SGCZ: variants seen among roughly 807,000 people sequenced by gnomAD.
SGCZ encodes the protein sarcoglycan zeta.
A neutral mutation model predicts 41.3 loss-of-function variants in SGCZ; 40 were observed. The observed-to-expected ratio is 0.97, with a 90% confidence interval of 0.75 to 1.26. The LOEUF (loss-of-function observed/expected upper bound fraction) is 1.26, where lower values mean the gene tolerates loss of function less well. Among genes scored for constraint, SGCZ ranks in the 50% most tolerant of loss-of-function variants. The probability of loss-of-function intolerance (pLI) is 0.00; values close to 1 mark genes in which losing one functional copy is unlikely to be tolerated. For missense variants in SGCZ, 552 were observed against 369.8 expected, an observed-to-expected ratio of 1.49 and a Z score of -4.04; for synonymous variants, 206 against 137.5, an observed-to-expected ratio of 1.50 and a Z score of -3.49.
intron 2 of SGCZ, among the ~76,000 whole-genome samples, chr8:14,328,817 G>A (rs1251209828): frequency 1.3e-5 from 2 of 152,254 alleles, no homozygotes; most frequent in African/African-American, 4.8e-5. Flanking sequence ...GGCCAGGAGG[G>A]CTCCTCCCTT....
chr8:14,869,509 T>C (rs568349225), intron 1 of SGCZ, among the ~76,000 whole-genome samples: 4 of 152,288 alleles, frequency 2.6e-5, no homozygotes, highest in African/African-American at 9.6e-5. Flanking sequence ...GCTGGAAGCA[T>C]TCCCTTTGAA....
intron 1 of SGCZ, among the ~76,000 whole-genome samples, chr8:15,223,851 T>C (rs996019200): frequency 2.8e-5 from 4 of 142,074 alleles, no homozygotes; most frequent in African/African-American, 5.3e-5. Context: ...AGCTCCTTTT[T>C]AAATTTTTAT....
intron 2 of SGCZ, among the ~76,000 whole-genome samples, chr8:14,479,276 C>T (rs1189853070): frequency 1.1e-4 from 4 of 34,972 alleles, no homozygotes; most frequent in South Asian, 1.9e-3. Context: ...AACTGAAGAA[C>T]TTGCAGTCTA....
intron 4 of SGCZ, among the ~76,000 whole-genome samples, chr8:14,230,123 T>C (rs979066767): frequency 6.6e-6 from 1 of 152,086 alleles, no homozygotes; most frequent in East Asian, 1.9e-4. Context: ...GTCAGGATAA[T>C]TGAATATTGA....
At chr8:14,295,894 C>G (rs1045627036) in intron 3 of SGCZ, among the ~76,000 whole-genome samples, 1 of 152,066 alleles carries the variant, frequency 6.6e-6, no homozygotes, top group African/African-American at 2.4e-5. Flanking sequence ...CTGCATAAGT[C>G]CCCTATTAGG....
intron 1 of SGCZ, among the ~76,000 whole-genome samples, chr8:14,721,243 T>C (rs1809877356): frequency 2.0e-5 from 3 of 152,202 alleles, no homozygotes; most frequent in African/African-American, 7.2e-5. Context: ...TTTTAAATAT[T>C]ATCTATAAAC....
chr8:14,415,196 C>T (rs1799462144), intron 2 of SGCZ, among the ~76,000 whole-genome samples: 1 of 151,796 alleles, frequency 6.6e-6, no homozygotes, highest in Non-Finnish European at 1.5e-5. Flanking sequence ...TAATGCTTCA[C>T]AAGTGTTCAT....
At chr8:15,007,579 G>A (rs749179415) in intron 1 of SGCZ, among the ~76,000 whole-genome samples, 9 of 152,154 alleles carry the variant, frequency 5.9e-5, no homozygotes, top group Non-Finnish European at 1.0e-4. Context: ...CGTCTCATCC[G>A]TAAAATGGAG....
chr8:14,765,286 T>A (rs1224293954), intron 1 of SGCZ, among the ~76,000 whole-genome samples: 1 of 152,200 alleles, frequency 6.6e-6, no homozygotes, highest in Non-Finnish European at 1.5e-5. Flanking sequence ...TTTTCAATGA[T>A]AGAACTACAA....
intron 2 of SGCZ, among the ~76,000 whole-genome samples, chr8:14,327,895 C>G (rs556930680): frequency 1.1e-3 from 170 of 152,294 alleles, no homozygotes; most frequent in African/African-American, 4.0e-3. Flanking sequence ...ATTCTCCTGC[C>G]TCAGCCTCCT....
chr8:14,111,380 T>C (rs145647468), intron 5 of SGCZ, among the ~76,000 whole-genome samples: 12 of 152,282 alleles, frequency 7.9e-5, no homozygotes, highest in African/African-American at 1.9e-4. Context: ...GACTTACTTA[T>C]GCTCACTTAG....
intron 1 of SGCZ, among the ~76,000 whole-genome samples, chr8:15,205,759 T>C (rs375088467): frequency 6.6e-6 from 1 of 152,224 alleles, no homozygotes; most frequent in African/African-American, 2.4e-5. Flanking sequence ...ATCCCATTAC[T>C]GGGTATATAC....
At chr8:14,735,713 G>A (rs7004874) in intron 1 of SGCZ, among the ~76,000 whole-genome samples, 61,826 of 151,964 alleles carry the variant, frequency 0.41, 16,101 homozygotes, top group African/African-American at 0.74. Context: ...ATATACATCT[G>A]TCCTGTTACT....
intron 1 of SGCZ, among the ~76,000 whole-genome samples, chr8:15,124,228 T>A (rs765916886): frequency 7.2e-5 from 11 of 152,196 alleles, no homozygotes; most frequent in Admixed American, 2.6e-4. Flanking sequence ...TGATTTCAAT[T>A]TGAAAAGCAG....
chr8:14,985,271 A>G (rs1242588501), intron 1 of SGCZ, among the ~76,000 whole-genome samples: 1 of 152,170 alleles, frequency 6.6e-6, no homozygotes, highest in Non-Finnish European at 1.5e-5. Flanking sequence ...AGAATAAAGC[A>G]TCCAAAATCA....
chr8:14,627,623 A>G (rs941029480), intron 1 of SGCZ, among the ~76,000 whole-genome samples: 2 of 151,922 alleles, frequency 1.3e-5, no homozygotes, highest in African/African-American at 4.8e-5. Context: ...CTAATTTTAG[A>G]TTTCAGCACT....
At chr8:14,332,220 G>C (rs938601372) in intron 2 of SGCZ, among the ~76,000 whole-genome samples, 1 of 152,070 alleles carries the variant, frequency 6.6e-6, no homozygotes, top group Non-Finnish European at 1.5e-5. Context: ...CGGATCACGA[G>C]TTCAGGAGAT....
chr8:14,387,457 T>C (rs1205374095), intron 2 of SGCZ, among the ~76,000 whole-genome samples: 1 of 152,234 alleles, frequency 6.6e-6, no homozygotes, highest in Admixed American at 6.5e-5. Flanking sequence ...AATATTACTA[T>C]ATTCAGAATC....
chr8:14,341,058 T>C (rs1398011769), intron 2 of SGCZ, among the ~76,000 whole-genome samples: 1 of 152,212 alleles, frequency 6.6e-6, no homozygotes, highest in African/African-American at 2.4e-5. Flanking sequence ...ATATGACTTA[T>C]TTAACTGTGT....
Sources: allele counts gnomAD v4.1 joint callset (sites outside exome capture counted in the v4.1 genomes callset), GRCh38; gene constraint gnomAD v4.1.1; transcripts MANE v1.5; gene names NCBI Gene and HGNC (gene_info 2026-07-23, HGNC 2026-07-21).